SIRT1: variants seen among roughly 807,000 people sequenced by gnomAD.
SIRT1 encodes the protein sirtuin 1.
Under a neutral mutation model 67.9 loss-of-function variants are expected in SIRT1, and 24 were observed. The observed-to-expected ratio is 0.35, with a 90% CI of 0.26 to 0.50. The LOEUF (loss-of-function observed/expected upper bound fraction) is 0.50, where lower values mean the gene tolerates loss of function less well. SIRT1 is among the 20% of genes least tolerant of loss of function. SIRT1 has a pLI of 0.98. For missense variants in SIRT1, 873 were observed against 937.2 expected (o/e 0.93, Z 0.89); for synonymous variants, 378 against 350.7 (o/e 1.08, Z -0.87).
intron 3 of SIRT1, among the ~76,000 whole-genome samples, chr10:67,890,886 C>T (rs985823541): frequency 1.3e-4 from 20 of 151,788 alleles, no homozygotes; most frequent in African/African-American, 3.6e-4. Context: ...AAAAATCAGC[C>T]GGTCGCGGTG....
intron 4 of SIRT1, among the ~76,000 whole-genome samples, chr10:67,893,544 T>C (rs1052345136): frequency 6.7e-6 from 1 of 149,622 alleles, no homozygotes; most frequent in Non-Finnish European, 1.5e-5. Context: ...AACCTAGCTT[T>C]TTTTTTTTTT....
intron 4 of SIRT1, among the ~76,000 whole-genome samples, chr10:67,898,571 A>G (rs1296021629): frequency 1.3e-5 from 2 of 152,252 alleles, no homozygotes; most frequent in Non-Finnish European, 2.9e-5. Context: ...TGGTAGTCAC[A>G]GTGCCATTCA....
chr10:67,892,146 A>C (rs959882466), intron 4 of SIRT1, among the ~76,000 whole-genome samples: 1 of 152,256 alleles, frequency 6.6e-6, no homozygotes. Context: ...TTAGAGATCC[A>C]GTATGGAAAA....
rs1187728562 is a variant in SIRT1, at chr10:67,889,045, A to G, written c.711A>G (p.Arg237=). 6.2e-7 allele frequency: 1 copy of G among 1,612,592 alleles called. No homozygotes were observed. Among genetic ancestry groups the G allele is most frequent in the East Asian group, 2.2e-5 (1 of 44,856 alleles). The change falls in exon 3 of 9, where the codon AGA becomes AGG. Residue 237 remains arginine (R), a synonymous_variant. Transcript: ENST00000212015. ...CAGAACCACCAAAAAGGAAAAAAAG[A>G]AAAGATATTAATACAATTGAAGATG... The part of the protein sequence containing the change: ...ILSEPPKRKK[R]KDINTIEDAV...
chr10:67,906,694 T>C, intron 4 of SIRT1, 96 bp from the exon 5 acceptor site: 9 of 1,204,592 alleles, frequency 7.5e-6, no homozygotes, highest in Non-Finnish European at 1.1e-5. Context: ...TTTTTAAAAT[T>C]ATGTGTGTGG....
intron 4 of SIRT1, among the ~76,000 whole-genome samples, chr10:67,898,233 TG>T (rs1842688700): frequency 7.4e-6 from 1 of 135,040 alleles, no homozygotes; most frequent in South Asian, 2.3e-4. Flanking sequence ...CACTCCAGCC[TG>T]GGCGAGAGAG....
rs753433479 is a variant in SIRT1, at chr10:67,887,466, T to G, written c.480T>G (p.Cys160Trp). ...DEIITNGFHSCESDEEDRASH... is the reference protein window; with the variant it reads ...DEIITNGFHSWESDEEDRASH... ...TTATCACTAATGGTTTTCATTCCTG[T>G]GAAAGTGATGAGGAGGATAGAGCCT... Residue 160 changes from cysteine to tryptophan, a missense_variant, in exon 2 of 9, where the codon TGT becomes TGG. Physicochemically the swap from Cys to Trp is radical, Grantham distance 215. This residue lies in a region of SIRT1 where 327 missense variants were observed against 283.9 expected (regional missense o/e 1.15). Transcript: ENST00000212015. 6.2e-7 allele frequency: 1 copy of G among 1,613,974 alleles called. No individual in the cohort carries two copies. The highest frequency in any genetic ancestry group is 8.5e-7 in the Non-Finnish European group (1 of 1,179,878).
rs990065260 is a variant in SIRT1, at chr10:67,885,021, A to G, written c.300A>G (p.Glu100=). 7.5e-6 allele frequency: 10 copies of G among 1,338,130 alleles called. No homozygotes were observed. Among genetic ancestry groups the G allele is most frequent in the Non-Finnish European group, 9.7e-6 (10 of 1,035,534 alleles). The allele number at this position is 1,338,130 out of a possible 1,614,324, so 82.9% of individuals were successfully genotyped here. A position where few individuals can be genotyped will look rare whatever the true frequency, so the allele number is the denominator to read the frequency against. ...QEAQATAAAG[E]GDNGPGLQGP... is the part of the protein sequence containing the mutation. ...CCCAGGCGACTGCGGCGGCTGGGGA[A>G]GGAGACAATGGGCCGGGCCTGCAGG... is the stretch of plus-strand genomic sequence containing the variant. Residue 100 remains glutamate (E), a synonymous_variant, in exon 1 of 9, where the codon GAA becomes GAG. Transcript: ENST00000212015.
At chr10:67,897,681 A>T (rs1017916452) in intron 4 of SIRT1, among the ~76,000 whole-genome samples, 4 of 151,836 alleles carry the variant, frequency 2.6e-5, no homozygotes, top group African/African-American at 7.3e-5. Context: ...AATTTTTAGT[A>T]GAGATGGGGT....
rs1842444673 is a variant in SIRT1, at chr10:67,884,657, C to G, written c.-65C>G. On this transcript the variant is annotated 5_prime_UTR_variant, in exon 1 of 9. Transcript: ENST00000212015. The stretch of plus-strand genomic sequence containing the variant: ...TCCCGCAGCCGGAGCCGCGGGGGCG[C>G]CAGTGCCGCGCGTCGAGCGGGAGCA... 16 of 1,222,972 alleles carry G rather than the reference C, an allele frequency of 1.3e-5. No individual in the cohort carries two copies. The highest frequency in any genetic ancestry group is 1.6e-5 in the Non-Finnish European group (16 of 982,508). The allele number at this position is 1,222,972 out of a possible 1,614,324, so 75.8% of individuals were successfully genotyped here. A position where few individuals can be genotyped will look rare whatever the true frequency, so the allele number is the denominator to read the frequency against.
intron 3 of SIRT1, among the ~76,000 whole-genome samples, chr10:67,889,670 A>G (rs1410777643): frequency 1.3e-5 from 2 of 152,230 alleles, no homozygotes; most frequent in Non-Finnish European, 2.9e-5. Context: ...TTTTATACAG[A>G]GTATATTACA....
rs200457992 is a variant in SIRT1, at chr10:67,917,921, C to G, written c.*1328C>G. ...TTTTTCAGACCATTTTTGAACATCA[C>G]TCCTAAATTAATAAAGTATTCCTCT... On this transcript the variant is annotated 3_prime_UTR_variant, in exon 9 of 9. Transcript: ENST00000212015. The G allele has an allele frequency of 6.6e-6, 1 of 152,404 alleles. No individual in the cohort carries two copies. Among genetic ancestry groups the G allele is most frequent in the Non-Finnish European group, 1.5e-5 (1 of 68,026 alleles). 9.4% of individuals were successfully genotyped at this position (152,404 alleles called of 1,614,324 possible). A position where few individuals can be genotyped will look rare whatever the true frequency, so the allele number is the denominator to read the frequency against.
chr10:67,913,039 A>G lies in SIRT1; in HGVS notation c.1915+8A>G, dbSNP rs1286284334. On this transcript the variant is annotated splice_region_variant and intron_variant, in intron 8 of 8. Transcript: ENST00000212015. ...TTAGTAGGCGGCTTGATGGTAAGAA[A>G]GGCAGTCGGACCATTTTGAAAGTAT... 1 of 1,583,662 alleles carries G rather than the reference A, an allele frequency of 6.3e-7. No homozygotes were observed. The highest frequency in any genetic ancestry group is 2.2e-5 in the East Asian group (1 of 44,744).
intron 4 of SIRT1, among the ~76,000 whole-genome samples, chr10:67,897,164 A>G (rs1225968100): frequency 2.2e-4 from 33 of 152,126 alleles, no homozygotes; most frequent in Non-Finnish European, 7.4e-5. Context: ...TCAAAAAAAA[A>G]AGAAATTACT....
At chr10:67,913,772 C>G (rs907571311) in intron 8 of SIRT1, among the ~76,000 whole-genome samples, 8 of 152,166 alleles carry the variant, frequency 5.3e-5, no homozygotes, top group African/African-American at 1.9e-4. Flanking sequence ...TCTTATATAA[C>G]TTAGAACTTT....
intron 5 of SIRT1, 21 bp downstream of exon 5, chr10:67,906,958 T>C: frequency 6.5e-7 from 1 of 1,528,010 alleles, no homozygotes; most frequent in South Asian, 1.3e-5. Flanking sequence ...TTCAGAGTGG[T>C]TTTCTGTAAT....
intron 8 of SIRT1, among the ~76,000 whole-genome samples, chr10:67,913,755 A>G (rs1311927338): frequency 1.3e-5 from 2 of 152,240 alleles, no homozygotes; most frequent in Non-Finnish European, 1.5e-5. Flanking sequence ...TAACTTAGCT[A>G]TAACAGTCTT....
chr10:67,892,382 G>GC (rs1379354488), intron 4 of SIRT1, among the ~76,000 whole-genome samples: 1 of 151,976 alleles, frequency 6.6e-6, no homozygotes, highest in African/African-American at 2.4e-5. Context: ...ACCAGCCTGA[G>GC]CAACATAATG....
At chr10:67,895,760 T>TTC (rs1459241769) in intron 4 of SIRT1, among the ~76,000 whole-genome samples, 6 of 137,114 alleles carry the variant, frequency 4.4e-5, no homozygotes, top group African/African-American at 1.7e-4. Context: ...TTTTTTTTTT[T>TTC]GAGACAGTTT....
Sources: gnomAD v4.1 joint callset for allele counts (sites outside exome capture counted in the v4.1 genomes callset) on GRCh38, gnomAD v4.1.1 for gene constraint, gnomAD v4.1.1 regional missense constraint, MANE v1.5 for transcripts, NCBI Gene and HGNC (gene_info 2026-07-23, HGNC 2026-07-21) for gene names.